Variants in RPGRIP1 observed in about 807,000 individuals in gnomAD.
RPGRIP1 encodes the protein X-linked retinitis pigmentosa GTPase regulator-interacting protein 1.
Under a neutral mutation model 157.9 loss-of-function variants are expected in RPGRIP1, and 128 were observed. The ratio of observed to expected loss-of-function variants is 0.81; its 90% CI spans 0.70 to 0.94. RPGRIP1 has a LOEUF of 0.94. Among genes scored for constraint, RPGRIP1 ranks in the 40% least tolerant of loss-of-function variants. RPGRIP1 has a pLI of 0.00. For synonymous variants in RPGRIP1, 554 were observed against 571.6 expected (o/e 0.97, Z 0.44); for missense variants, 1,486 against 1,545.8 (o/e 0.96, Z 0.65).
At chr14:21,346,068 C>T (rs1885538896) in intron 23 of RPGRIP1, among the ~76,000 whole-genome samples, 1 of 152,134 alleles carries the variant, frequency 6.6e-6, no homozygotes, top group Non-Finnish European at 1.5e-5. Flanking sequence ...GCCTCAGACT[C>T]CCAAAGTGTT....
At chr14:21,343,360 T>A in intron 22 of RPGRIP1, 132 bp downstream of exon 22, 2 of 711,608 alleles carry the variant, frequency 2.8e-6, no homozygotes, top group Non-Finnish European at 4.6e-6. Context: ...CAAAGTGTTG[T>A]GTGCATGTGG....
At chr14:21,301,794 C>T (rs1881049054) in intron 4 of RPGRIP1, among the ~76,000 whole-genome samples, 1 of 151,708 alleles carries the variant, frequency 6.6e-6, no homozygotes, top group South Asian at 2.1e-4. Flanking sequence ...GGGAGGATCG[C>T]TTGAGCCTGG....
At chr14:21,319,979 A>G (rs1882217847) in intron 11 of RPGRIP1, 38 bp from the exon 12 acceptor site, 6 of 1,572,518 alleles carry the variant, frequency 3.8e-6, no homozygotes, top group Non-Finnish European at 5.2e-6. Context: ...GTGATAAATA[A>G]CTACAGAATT....
chr14:21,301,100 G>A lies in RPGRIP1; in HGVS notation c.353G>A (p.Arg118His), dbSNP rs369530487. Residue 118 changes from arginine (R) to histidine (H), a missense_variant, in exon 4 of 25, where the codon CGC becomes CAC. By Grantham distance (29) the Arg-to-His change is conservative (BLOSUM62 0). Coordinates refer to ENST00000400017, the MANE Select transcript of RPGRIP1 (RefSeq NM_020366.4). ...CGGCAGCGCCTCTCCATGCACCAGC[G>A]CCCCCAGATGCACCGACTGCAAGGG... Reference protein sequence around the residue: ...GWRQRLSMHQRPQMHRLQGHF... With the variant: ...GWRQRLSMHQHPQMHRLQGHF... 50 of 1,611,046 alleles carry A rather than the reference G, an allele frequency of 3.1e-5. No individual in the cohort carries two copies. The highest frequency in any genetic ancestry group is 4.0e-5 in the Non-Finnish European group (47 of 1,178,734).
At chr14:21,313,179 T>A (rs1405763179) in intron 10 of RPGRIP1, among the ~76,000 whole-genome samples, 1 of 151,568 alleles carries the variant, frequency 6.6e-6, no homozygotes, top group East Asian at 1.9e-4. Context: ...ATGAAAAAAT[T>A]CTCTTGTGTA....
chr14:21,323,612 C>T (rs1882739324), intron 14 of RPGRIP1, among the ~76,000 whole-genome samples: 1 of 151,944 alleles, frequency 6.6e-6, no homozygotes, highest in Admixed American at 6.6e-5. Flanking sequence ...TTGTATTATT[C>T]CTTTTGAGAA....
intron 1 of RPGRIP1, among the ~76,000 whole-genome samples, chr14:21,284,092 A>G (rs1880222852): frequency 2.6e-5 from 4 of 152,350 alleles, no homozygotes; most frequent in African/African-American, 9.6e-5. Flanking sequence ...TTTAAAAATG[A>G]AATGTTACAG....
At position 21,334,667 on chromosome 14, in the gene RPGRIP1, G is replaced by A. The variant is rs746275518; in HGVS notation, c.3301G>A (p.Val1101Ile). 2 of 1,608,638 alleles carry A rather than the reference G, an allele frequency of 1.2e-6. No homozygotes were observed. The highest frequency in any genetic ancestry group is 2.2e-5 in the East Asian group (1 of 44,780). Residue 1101 changes from valine to isoleucine, a missense_variant, in exon 21 of 25, where the codon GTC (valine) becomes ATC (isoleucine). Coordinates refer to ENST00000400017, the MANE Select transcript of RPGRIP1 (RefSeq NM_020366.4). ...AGCACAAACTACCGACAGTGATGAT[G>A]TCATAGTGCCACCCATGTCTCAGAA... The part of the protein sequence containing the change: ...SEAQTTDSDD[V>I]IVPPMSQKYP...
At position 21,325,254 on chromosome 14, in the gene RPGRIP1, G is replaced by A. The variant is rs1882947591; in HGVS notation, c.2238G>A (p.Gly746=). Residue 746 remains glycine (G), a synonymous_variant, in exon 16 of 25, where the codon GGG becomes GGA. Transcript: ENST00000400017. ...CAGGAGCTGGTGGAGAAGAGTTCGG[G>A]GTTCTAGAGTACTGGATGAGGCTGC... ...TLIGAGGEEF[G]VLEYWMRLRF... 2 of 1,611,092 alleles carry A rather than the reference G, an allele frequency of 1.2e-6. No individual in the cohort carries two copies. Among genetic ancestry groups the A allele is most frequent in the South Asian group, 1.1e-5 (1 of 90,586 alleles).
At chr14:21,315,581 C>G (rs1881746854) in intron 10 of RPGRIP1, among the ~76,000 whole-genome samples, 1 of 151,472 alleles carries the variant, frequency 6.6e-6, no homozygotes, top group Admixed American at 6.6e-5. Flanking sequence ...TTGAGGAGGT[C>G]TTACGGGAGC....
At chr14:21,293,692 C>T (rs926494556) in intron 2 of RPGRIP1, among the ~76,000 whole-genome samples, 1 of 152,176 alleles carries the variant, frequency 6.6e-6, no homozygotes. Context: ...TCCTGGCTAA[C>T]ATGGAGAAAC....
intron 10 of RPGRIP1, among the ~76,000 whole-genome samples, chr14:21,313,354 A>AT (rs1881621391): frequency 6.6e-6 from 1 of 152,026 alleles, no homozygotes; most frequent in Admixed American, 6.6e-5. Context: ...AGAAAAAAAA[A>AT]AAAAAGAATG....
chr14:21,303,661 A>G, intron 6 of RPGRIP1, 118 bp downstream of exon 6: 1 of 764,224 alleles, frequency 1.3e-6, no homozygotes, highest in Non-Finnish European at 2.1e-6. Flanking sequence ...ATTCAATCGG[A>G]GTAGTAGACA....
Position 21,306,446 on chromosome 14 carries a change from A to ATTATT in RPGRIP1, c.801-1267_801-1263dup, listed in dbSNP as rs376127265. 9.8e-3 allele frequency among the ~76,000 whole-genome samples: 1,459 copies of ATTATT among 149,008 alleles called. 13 individuals carry two copies. The highest frequency in any genetic ancestry group is 0.017 in the Non-Finnish European group (1,117 of 67,196). On this transcript the variant is annotated intron_variant, in intron 6 of 24. Transcript: ENST00000400017. ...CTGCGCCCAGCCTAATCTTCTTTCTATTATTTTATTTTATTTTATTTTTAT... is the reference window on the plus strand; with the variant it reads ...CTGCGCCCAGCCTAATCTTCTTTCTATTATTTTATTTTATTTTATTTTATTTTTAT...
At chr14:21,334,835 G>A (rs779840527) in intron 21 of RPGRIP1, 130 bp downstream of exon 21, 6 of 549,568 alleles carry the variant, frequency 1.1e-5, no homozygotes, top group Admixed American at 3.0e-5. Context: ...CTAAGGTCGG[G>A]AGTTCGAGAC....
At chr14:21,298,432 G>A (rs1005762445) in intron 3 of RPGRIP1, among the ~76,000 whole-genome samples, 5 of 150,358 alleles carry the variant, frequency 3.3e-5, no homozygotes, top group African/African-American at 9.8e-5. Flanking sequence ...CCCAGGAGGC[G>A]GAGGTTGTAG....
intron 1 of RPGRIP1, among the ~76,000 whole-genome samples, chr14:21,281,753 T>C (rs574972339): frequency 2.7e-5 from 4 of 145,716 alleles, no homozygotes; most frequent in Non-Finnish European, 6.1e-5. Context: ...TAAGGGGAAC[T>C]GGCTACAAAA....
chr14:21,321,649 A>G (rs1882485039), intron 13 of RPGRIP1: 1 of 975,732 alleles, frequency 1.0e-6, no homozygotes, highest in Admixed American at 3.0e-5. Flanking sequence ...CTGGGTTCAA[A>G]TTTTGCCAGT....
intron 1 of RPGRIP1, among the ~76,000 whole-genome samples, chr14:21,286,823 C>T (rs1880315663): frequency 6.6e-6 from 1 of 151,712 alleles, no homozygotes; most frequent in Non-Finnish European, 1.5e-5. Context: ...AAGCTGGAGA[C>T]AAAAATTTTG....
Sources: allele counts gnomAD v4.1 joint callset (sites outside exome capture counted in the v4.1 genomes callset), GRCh38; gene constraint gnomAD v4.1.1; transcripts MANE v1.5; gene names NCBI Gene and HGNC (gene_info 2026-07-23, HGNC 2026-07-21).